RNF121: variants seen among roughly 807,000 people sequenced by gnomAD.
The protein encoded by RNF121 is E3 ubiquitin ligase RNF121.
Under a neutral mutation model 46.5 loss-of-function variants are expected in RNF121, and 21 were observed. That is an observed-to-expected ratio of 0.45 (90% CI 0.32 to 0.65). RNF121 has a LOEUF of 0.65. Ranked by LOEUF, RNF121 falls within the 30% of genes least tolerant of loss-of-function variation. RNF121 has a pLI of 0.04. For synonymous variants in RNF121, 139 were observed against 144.7 expected, an observed-to-expected ratio of 0.96 and a Z score of 0.28; for missense variants, 346 against 416.0, an observed-to-expected ratio of 0.83 and a Z score of 1.46.
chr11:71,955,282 A>C (rs1953967419), intron 1 of RNF121, among the ~76,000 whole-genome samples: 1 of 152,188 alleles, frequency 6.6e-6, no homozygotes, highest in Non-Finnish European at 1.5e-5. Context: ...CATGAGACTG[A>C]ATGACTAACA....
Position 71,963,255 on chromosome 11 carries a change from T to A in RNF121, c.243+2364T>A, listed in dbSNP as rs185974538. ...TATTTTTTAATTTTATTGGTTGTGC[T>A]TTTAGTGTCATATCTAAGAATCCAT... On this transcript the variant is annotated intron_variant, in intron 3 of 8. Coordinates refer to ENST00000361756, the MANE Select transcript of RNF121 (RefSeq NM_018320.5). Among the ~76,000 whole-genome samples the A allele has an allele frequency of 3.0e-3, 455 of 152,334 alleles. 2 individuals carry two copies. The highest frequency in any genetic ancestry group is 0.011 in the African/African-American group (438 of 41,568).
intron 1 of RNF121, among the ~76,000 whole-genome samples, chr11:71,945,740 A>C (rs994602028): frequency 6.6e-6 from 1 of 152,220 alleles, no homozygotes; most frequent in African/African-American, 2.4e-5. Context: ...TGCAAATCAT[A>C]TATTAATAAG....
At chr11:71,994,907 T>C (rs1954943579) in intron 7 of RNF121, 55 bp downstream of exon 7, 4 of 1,609,308 alleles carry the variant, frequency 2.5e-6, no homozygotes, top group Non-Finnish European at 3.4e-6. Flanking sequence ...CACACTGTAG[T>C]GAGAGAGAGA....
Position 71,960,961 on chromosome 11 carries a change from C to T in RNF121, c.243+70C>T, listed in dbSNP as rs1954117547. 12 of 1,527,922 alleles carry T rather than the reference C, an allele frequency of 7.9e-6. No homozygotes were observed. The South Asian group carries it at 1.1e-4, about 14-fold the overall frequency. 94.6% of individuals were successfully genotyped at this position (1,527,922 alleles called of 1,614,324 possible). A position where few individuals can be genotyped will look rare whatever the true frequency, so the allele number is the denominator to read the frequency against. Reference sequence around the variant, plus strand: ...AGACCCTTCCTAAGTATTCTAGGTCCCAGCCTAACCCAGGCCACATGGAGG... The same window carrying T: ...AGACCCTTCCTAAGTATTCTAGGTCTCAGCCTAACCCAGGCCACATGGAGG... On this transcript the variant is annotated intron_variant, in intron 3 of 8. Coordinates refer to ENST00000361756, the MANE Select transcript of RNF121 (RefSeq NM_018320.5).
intron 5 of RNF121, among the ~76,000 whole-genome samples, chr11:71,987,920 C>T (rs1311961736): frequency 1.3e-5 from 2 of 152,186 alleles, no homozygotes; most frequent in East Asian, 1.9e-4. Flanking sequence ...CCCATTCCCC[C>T]AGGAACACAT....
chr11:71,978,101 G>A lies in RNF121; in HGVS notation c.244-4660G>A, dbSNP rs554823968. On this transcript the variant is annotated intron_variant, in intron 3 of 8. Transcript: ENST00000361756. ...TTTTTTTAAGAGGTGGGGTTTCACC[G>A]TGTTGCCCAGGCTGGTCTCAAGCTC... is the stretch of plus-strand genomic sequence containing the variant. The A allele has an allele frequency of 9.6e-5, 33 of 342,356 alleles. No individual in the cohort carries two copies. The Middle Eastern group carries it at 1.2e-3, about 12-fold the overall frequency. 21.2% of individuals were successfully genotyped at this position (342,356 alleles called of 1,614,324 possible). A position where few individuals can be genotyped will look rare whatever the true frequency, so the allele number is the denominator to read the frequency against.
At chr11:71,940,629 A>G (rs1443363493) in intron 1 of RNF121, among the ~76,000 whole-genome samples, 1 of 152,226 alleles carries the variant, frequency 6.6e-6, no homozygotes, top group East Asian at 1.9e-4. Context: ...TCCTTCAGTC[A>G]CCAATTATTG....
At chr11:71,968,123 A>C (rs1378739779) in intron 3 of RNF121, among the ~76,000 whole-genome samples, 1 of 151,602 alleles carries the variant, frequency 6.6e-6, no homozygotes, top group African/African-American at 2.4e-5. Flanking sequence ...GTGCAGTGGC[A>C]TGCTCTCGGC....
intron 2 of RNF121, among the ~76,000 whole-genome samples, chr11:71,959,749 C>T (rs1480902297): frequency 6.6e-6 from 1 of 151,886 alleles, no homozygotes; most frequent in Admixed American, 6.6e-5. Context: ...GATTCTCCTG[C>T]CTCAGCCTCC....
intron 3 of RNF121, among the ~76,000 whole-genome samples, chr11:71,971,617 A>G (rs1189374796): frequency 1.3e-5 from 2 of 152,228 alleles, no homozygotes; most frequent in Non-Finnish European, 2.9e-5. Flanking sequence ...ATAGAAAAAC[A>G]GGCCAGAGAT....
chr11:71,955,114 A>T lies in RNF121; in HGVS notation c.64-2113A>T, dbSNP rs1179791403. On this transcript the variant is annotated intron_variant, in intron 1 of 8. Coordinates refer to ENST00000361756, the MANE Select transcript of RNF121 (RefSeq NM_018320.5). ...TGAGGGAAACAAGGTGCTAGGGTAT[A>T]AACTTTAGAGAGCCATTCACTCTTA... Among the ~76,000 whole-genome samples, 3 of 152,184 alleles carry T rather than the reference A, an allele frequency of 2.0e-5. No individual in the cohort carries two copies. In the East Asian group the frequency reaches 5.8e-4, roughly 29 times the overall value.
At chr11:71,944,130 G>A (rs1362549903) in intron 1 of RNF121, among the ~76,000 whole-genome samples, 2 of 152,012 alleles carry the variant, frequency 1.3e-5, no homozygotes, top group African/African-American at 2.4e-5. Flanking sequence ...TCAGGAGTTC[G>A]AGACCAGCTT....
At chr11:71,981,374 A>G (rs925560288) in intron 3 of RNF121, among the ~76,000 whole-genome samples, 3 of 152,312 alleles carry the variant, frequency 2.0e-5, no homozygotes, top group Middle Eastern at 3.4e-3. Flanking sequence ...TTAGTTTGCT[A>G]TAGAATGCCA....
At chr11:71,965,338 C>T (rs1954251326) in intron 3 of RNF121, among the ~76,000 whole-genome samples, 1 of 151,584 alleles carries the variant, frequency 6.6e-6, no homozygotes, top group African/African-American at 2.4e-5. Flanking sequence ...GCAACCTCTG[C>T]CTCCTGGGCT....
At chr11:71,971,634 A>G (rs1954423194) in intron 3 of RNF121, among the ~76,000 whole-genome samples, 1 of 152,082 alleles carries the variant, frequency 6.6e-6, no homozygotes, top group South Asian at 2.1e-4. Context: ...AGATATGAAC[A>G]CATTTACAGG....
chr11:71,989,604 C>G (rs1007255963), intron 5 of RNF121, among the ~76,000 whole-genome samples: 1 of 152,004 alleles, frequency 6.6e-6, no homozygotes, highest in Non-Finnish European at 1.5e-5. Context: ...CACATACATA[C>G]GGTTCTTTGT....
At chr11:71,968,436 G>A (rs1184470351) in intron 3 of RNF121, among the ~76,000 whole-genome samples, 1 of 152,128 alleles carries the variant, frequency 6.6e-6, no homozygotes, top group Non-Finnish European at 1.5e-5. Context: ...TGCTGTTCCT[G>A]ATTTTCTATC....
At position 71,967,349 on chromosome 11, in the gene RNF121, G is replaced by GTTTTTTTTTTTTT. The variant is rs770121817; in HGVS notation, c.243+6464_243+6476dup. Among the ~76,000 whole-genome samples, 28 of 100,520 alleles carry GTTTTTTTTTTTTT rather than the reference G, an allele frequency of 2.8e-4. 1 individual carries two copies. Among genetic ancestry groups the GTTTTTTTTTTTTT allele is most frequent in the African/African-American group, 4.1e-4 (10 of 24,454 alleles). The allele number at this position is 100,520 out of a possible 152,430, so 65.9% of individuals were successfully genotyped here. A position where few individuals can be genotyped will look rare whatever the true frequency, so the allele number is the denominator to read the frequency against. On this transcript the variant is annotated intron_variant, in intron 3 of 8. Transcript: ENST00000361756. ...GGTAATAATTATGTGGGTTTTTTTT[G>GTTTTTTTTTTTTT]TTTTTTTTTTTTTTTTTTGAGACGG... is the stretch of plus-strand genomic sequence containing the variant.
At chr11:71,960,696 C>T in intron 2 of RNF121, 54 bp from the exon 3 acceptor site, 1 of 1,580,894 alleles carries the variant, frequency 6.3e-7, no homozygotes, top group Admixed American at 1.7e-5. Flanking sequence ...AAGCACTGTC[C>T]CTTTATCACT....
Sources: gnomAD v4.1 joint callset for allele counts (sites outside exome capture counted in the v4.1 genomes callset) on GRCh38, gnomAD v4.1.1 for gene constraint, MANE v1.5 for transcripts, NCBI Gene and HGNC (gene_info 2026-07-23, HGNC 2026-07-21) for gene names.